The following CA10 variants were observed in gnomAD, a reference collection of about 807,000 sequenced individuals.
The protein encoded by CA10 is carbonic anhydrase 10 (inactive).
CA10 carries 14 observed loss-of-function variants against 44.2 expected under a neutral mutation model. The observed-to-expected ratio is 0.32, with a 90% CI of 0.21 to 0.50. The LOEUF (loss-of-function observed/expected upper bound fraction) is 0.50, where lower values mean the gene tolerates loss of function less well. CA10 is among the 20% of genes least tolerant of loss of function. The pLI is 0.99. For synonymous variants in CA10, 159 were observed against 141.6 expected (o/e 1.12, Z -0.87); for missense variants, 350 against 409.7 (o/e 0.85, Z 1.26).
intron 2 of CA10, among the ~76,000 whole-genome samples, chr17:51,985,186 A>G (rs1055743517): frequency 6.6e-6 from 1 of 151,950 alleles, no homozygotes; most frequent in African/African-American, 2.4e-5. Context: ...TGGGTTTCAT[A>G]CCAGGGATGG....
intron 3 of CA10, among the ~76,000 whole-genome samples, chr17:51,822,445 CAAAAAA>C (rs566115385): frequency 6.7e-6 from 1 of 149,446 alleles, no homozygotes; most frequent in Non-Finnish European, 1.5e-5. Flanking sequence ...AAAACAAAAA[CAAAAAA>C]ACAAACAAAA....
intron 2 of CA10, among the ~76,000 whole-genome samples, chr17:52,026,925 G>A (rs1598173718): frequency 6.6e-6 from 1 of 152,228 alleles, no homozygotes; most frequent in South Asian, 2.1e-4. Context: ...TGGACCTGGG[G>A]TGGGGGTTGG....
At chr17:52,000,120 T>C (rs1184463983) in intron 2 of CA10, among the ~76,000 whole-genome samples, 2 of 152,068 alleles carry the variant, frequency 1.3e-5, no homozygotes, top group Non-Finnish European at 2.9e-5. Flanking sequence ...AATCATAAGC[T>C]AAATTAACAG....
At chr17:52,052,873 G>A in intron 2 of CA10, among the ~76,000 whole-genome samples, 1 of 151,928 alleles carries the variant, frequency 6.6e-6, no homozygotes, top group Admixed American at 6.6e-5. Context: ...CTCCCATATT[G>A]AAACCGTGTA....
At chr17:52,011,809 A>T (rs1985806351) in intron 2 of CA10, among the ~76,000 whole-genome samples, 1 of 152,086 alleles carries the variant, frequency 6.6e-6, no homozygotes, top group East Asian at 1.9e-4. Context: ...GACCAGAAAT[A>T]CATGCTAATG....
At chr17:52,059,859 T>A (rs149302969) in intron 2 of CA10, among the ~76,000 whole-genome samples, 85 of 152,296 alleles carry the variant, frequency 5.6e-4, no homozygotes, top group African/African-American at 1.9e-3. Flanking sequence ...AAGGTTTACA[T>A]ACAATTTTGT....
intron 1 of CA10, among the ~76,000 whole-genome samples, chr17:52,127,238 T>C (rs570923660): frequency 2.0e-5 from 3 of 152,378 alleles, no homozygotes; most frequent in Admixed American, 2.0e-4. Flanking sequence ...AGTTTGTTTT[T>C]GACATATGTC....
At chr17:52,149,651 A>G (rs192660869) in intron 1 of CA10, among the ~76,000 whole-genome samples, 2 of 152,374 alleles carry the variant, frequency 1.3e-5, no homozygotes, top group African/African-American at 4.8e-5. Flanking sequence ...GATAATAGAT[A>G]TACCGTAAAA....
chr17:52,116,540 C>A (rs1358850524), intron 1 of CA10, among the ~76,000 whole-genome samples: 4 of 152,092 alleles, frequency 2.6e-5, no homozygotes, highest in East Asian at 1.9e-4. Context: ...TGGGCAGCAC[C>A]CTGTCATGGC....
At chr17:51,930,938 A>G in intron 3 of CA10, 52 bp downstream of exon 3, 1 of 1,601,060 alleles carries the variant, frequency 6.2e-7, no homozygotes, top group South Asian at 1.1e-5. Context: ...AGCTTTCAGA[A>G]TCAAGATGGC....
At chr17:51,979,252 G>A (rs1426548311) in intron 2 of CA10, among the ~76,000 whole-genome samples, 1 of 152,152 alleles carries the variant, frequency 6.6e-6, no homozygotes, top group Non-Finnish European at 1.5e-5. Flanking sequence ...ATAGAAAAAA[G>A]TATTTGCAAA....
At chr17:51,758,197 A>T (rs1905127979) in intron 3 of CA10, among the ~76,000 whole-genome samples, 1 of 152,186 alleles carries the variant, frequency 6.6e-6, no homozygotes, top group African/African-American at 2.4e-5. Flanking sequence ...ATCTACACTG[A>T]AAAACTAGAT....
intron 3 of CA10, among the ~76,000 whole-genome samples, chr17:51,905,501 T>G (rs1395903391): frequency 6.6e-6 from 1 of 151,666 alleles, no homozygotes; most frequent in African/African-American, 2.4e-5. Flanking sequence ...TGCTTAGAGT[T>G]TATGGCCCAT....
intron 1 of CA10, among the ~76,000 whole-genome samples, chr17:52,081,327 G>A (rs1271072117): frequency 6.6e-6 from 1 of 152,166 alleles, no homozygotes; most frequent in Non-Finnish European, 1.5e-5. Context: ...AAGACTGAAA[G>A]TTGGCAGAAA....
intron 4 of CA10, among the ~76,000 whole-genome samples, chr17:51,705,851 A>G (rs1057409070): frequency 6.6e-6 from 1 of 152,134 alleles, no homozygotes; most frequent in South Asian, 2.1e-4. Flanking sequence ...AAGGCCAGAG[A>G]GACAGAATTT....
chr17:51,816,149 C>A (rs747458660), intron 3 of CA10, among the ~76,000 whole-genome samples: 5 of 152,114 alleles, frequency 3.3e-5, no homozygotes, highest in Non-Finnish European at 7.3e-5. Flanking sequence ...TTAGATCACA[C>A]AAATAAGTGA....
intron 1 of CA10, among the ~76,000 whole-genome samples, chr17:52,118,963 G>C (rs1000584285): frequency 6.6e-5 from 10 of 152,182 alleles, no homozygotes; most frequent in Non-Finnish European, 1.3e-4. Context: ...ATGAATTCAT[G>C]AAGAGCTGAA....
chr17:51,721,758 T>A (rs1326700059), intron 4 of CA10, among the ~76,000 whole-genome samples: 1 of 152,134 alleles, frequency 6.6e-6, no homozygotes, highest in East Asian at 1.9e-4. Context: ...TTGGTGAACA[T>A]ATTGAGGTGC....
At chr17:51,660,137 A>G (rs1477673775) in intron 4 of CA10, among the ~76,000 whole-genome samples, 3 of 152,212 alleles carry the variant, frequency 2.0e-5, no homozygotes, top group Admixed American at 2.0e-4. Context: ...AGATCCAATC[A>G]TTCAACATGT....
Sources: allele counts gnomAD v4.1 joint callset (sites outside exome capture counted in the v4.1 genomes callset), GRCh38; gene constraint gnomAD v4.1.1; transcripts MANE v1.5; gene names NCBI Gene and HGNC (gene_info 2026-07-23, HGNC 2026-07-21).